The following USH2A variants were observed in gnomAD, a reference collection of about 807,000 sequenced individuals.
USH2A encodes usherin, also known as Usher syndrome 2A (autosomal recessive, mild).
In USH2A, 443 loss-of-function variants were observed where a neutral mutation model predicts 538.9. That is an observed-to-expected ratio of 0.82 (90% CI 0.76 to 0.89). The LOEUF (loss-of-function observed/expected upper bound fraction) is 0.89. Among genes scored for constraint, USH2A ranks in the 40% least tolerant of loss-of-function variants. The pLI is 0.00. For missense variants in USH2A, 6,633 were observed against 6,324.8 expected (o/e 1.05, Z -1.65); for synonymous variants, 2,413 against 2,273.5 (o/e 1.06, Z -1.75).
At chr1:216,320,071 T>C (rs753543193) in intron 9 of USH2A, among the ~76,000 whole-genome samples, 1 of 152,106 alleles carries the variant, frequency 6.6e-6, no homozygotes, top group African/African-American at 2.4e-5. Context: ...AAGCATTTTA[T>C]ATAGTTTGTA....
intron 4 of USH2A, among the ~76,000 whole-genome samples, chr1:216,356,621 C>T (rs532947279): frequency 1.3e-5 from 2 of 152,038 alleles, no homozygotes; most frequent in African/African-American, 4.8e-5. Context: ...ATCATGAACC[C>T]ATTGCCATGT....
At chr1:216,178,002 A>C (rs1483338116) in intron 20 of USH2A, among the ~76,000 whole-genome samples, 1 of 152,198 alleles carries the variant, frequency 6.6e-6, no homozygotes, top group African/African-American at 2.4e-5. Flanking sequence ...TGTTTCAATA[A>C]ATATAAATCA....
At chr1:215,870,502 A>G (rs1283855433) in intron 43 of USH2A, among the ~76,000 whole-genome samples, 2 of 141,176 alleles carry the variant, frequency 1.4e-5, no homozygotes, top group Non-Finnish European at 3.0e-5. Flanking sequence ...TCATCGTGTT[A>G]GCCAGGATGG....
chr1:216,221,587 C>A (rs2035458990), intron 14 of USH2A, among the ~76,000 whole-genome samples: 1 of 152,250 alleles, frequency 6.6e-6, no homozygotes, highest in Non-Finnish European at 1.5e-5. Context: ...TAACAGTGTG[C>A]AACCCCACCC....
chr1:215,743,416 G>GTGTGTGTGTGTA (rs1491186893), intron 58 of USH2A, 81 bp from the exon 59 acceptor site: 2 of 238,560 alleles, frequency 8.4e-6, no homozygotes, highest in African/African-American at 6.4e-5. Context: ...GTGTGTGTGT[G>GTGTGTGTGTGTA]TATATATATA....
chr1:215,871,126 G>A (rs895255480), intron 43 of USH2A, among the ~76,000 whole-genome samples: 4 of 152,108 alleles, frequency 2.6e-5, no homozygotes, highest in Non-Finnish European at 5.9e-5. Flanking sequence ...TATTACAATA[G>A]TTTTTCCCCC....
intron 64 of USH2A, among the ~76,000 whole-genome samples, chr1:215,665,767 A>G (rs1311646634): frequency 6.6e-6 from 1 of 152,150 alleles, no homozygotes; most frequent in Non-Finnish European, 1.5e-5. Context: ...AGAAATGATT[A>G]TTGTCTTTAA....
intron 11 of USH2A, among the ~76,000 whole-genome samples, chr1:216,280,554 A>G (rs980644605): frequency 3.4e-4 from 52 of 152,038 alleles, no homozygotes; most frequent in African/African-American, 1.3e-3. Context: ...AATCATTATT[A>G]CTCTTCATTT....
intron 25 of USH2A, 118 bp from the exon 26 acceptor site, chr1:216,083,704 T>C: frequency 9.9e-7 from 1 of 1,010,430 alleles, no homozygotes; most frequent in South Asian, 1.7e-5. Flanking sequence ...CAAAAGAAGA[T>C]GCAAATCAAT....
chr1:216,175,012 C>T (rs2034345847), intron 21 of USH2A: 2 of 1,348,058 alleles, frequency 1.5e-6, no homozygotes, highest in Admixed American at 3.1e-5. Flanking sequence ...TACTTTGATC[C>T]AATAAGGCTG....
chr1:216,284,819 G>A (rs1256060259), intron 11 of USH2A, among the ~76,000 whole-genome samples: 3 of 152,174 alleles, frequency 2.0e-5, no homozygotes, highest in African/African-American at 7.2e-5. Context: ...GGACAATAAA[G>A]GCCAGGCTGA....
chr1:216,134,054 T>C (rs538678091), intron 21 of USH2A, among the ~76,000 whole-genome samples: 3 of 152,232 alleles, frequency 2.0e-5, no homozygotes, highest in Admixed American at 2.0e-4. Flanking sequence ...TGAATACTAA[T>C]ACAGAGTCTT....
intron 29 of USH2A, among the ~76,000 whole-genome samples, chr1:216,071,726 T>C (rs1194937649): frequency 6.6e-6 from 1 of 152,192 alleles, no homozygotes; most frequent in Non-Finnish European, 1.5e-5. Flanking sequence ...TGAATTATAC[T>C]CAAAGCGGGC....
At chr1:216,212,683 T>TTGTGTGTGTGTGTGTGTGTTTG (rs2035265613) in intron 15 of USH2A, among the ~76,000 whole-genome samples, 1 of 147,462 alleles carries the variant, frequency 6.8e-6, no homozygotes, top group Non-Finnish European at 1.5e-5. Context: ...GTGTGTGTGT[T>TTGTGTGTGTGTGTGTGTGTTTG]TGTGTGTGTG....
intron 4 of USH2A, among the ~76,000 whole-genome samples, chr1:216,354,330 A>G (rs896627728): frequency 6.6e-6 from 1 of 152,188 alleles, no homozygotes; most frequent in African/African-American, 2.4e-5. Flanking sequence ...ATCATACAAT[A>G]AAAATATTTA....
At chr1:216,044,234 C>T (rs376620794) in intron 32 of USH2A, among the ~76,000 whole-genome samples, 2 of 152,032 alleles carry the variant, frequency 1.3e-5, no homozygotes, top group East Asian at 1.9e-4. Flanking sequence ...CTGTGTCACA[C>T]GTGGGGAGCA....
chr1:215,991,557 A>C (rs1668005527), intron 35 of USH2A, among the ~76,000 whole-genome samples: 1 of 152,196 alleles, frequency 6.6e-6, no homozygotes, highest in Non-Finnish European at 1.5e-5. Context: ...ATCCCACTCT[A>C]ATTAAACACA....
At chr1:215,769,012 A>T (rs1416196700) in intron 55 of USH2A, among the ~76,000 whole-genome samples, 1 of 152,194 alleles carries the variant, frequency 6.6e-6, no homozygotes, top group Non-Finnish European at 1.5e-5. Flanking sequence ...GTTTATCACC[A>T]TGTGACCTGA....
At chr1:216,039,915 T>C (rs889547001) in intron 32 of USH2A, among the ~76,000 whole-genome samples, 1 of 151,994 alleles carries the variant, frequency 6.6e-6, no homozygotes, top group Non-Finnish European at 1.5e-5. Context: ...AAAAAAGTTT[T>C]AGCACTTTTA....
Sources: gnomAD v4.1 joint callset for allele counts (sites outside exome capture counted in the v4.1 genomes callset) on GRCh38, gnomAD v4.1.1 for gene constraint, MANE v1.5 for transcripts, NCBI Gene and HGNC (gene_info 2026-07-23, HGNC 2026-07-21) for gene names.